The following RBFOX2 variants were observed in gnomAD, a reference collection of about 807,000 sequenced individuals.
RBFOX2 encodes RNA binding protein fox-1 homolog 2.
RBFOX2 carries 10 observed loss-of-function variants against 49.1 expected under a neutral mutation model. The ratio of observed to expected loss-of-function variants is 0.20; its 90% CI spans 0.13 to 0.35. RBFOX2 has a LOEUF of 0.35. RBFOX2 is among the 10% of genes least tolerant of loss of function. The pLI is 1.00. For missense variants in RBFOX2, 323 were observed against 486.9 expected (o/e 0.66, Z 3.17); for synonymous variants, 183 against 187.4 (o/e 0.98, Z 0.19).
At chr22:35,905,781 T>C (rs1371004341) in intron 1 of RBFOX2, among the ~76,000 whole-genome samples, 2 of 152,038 alleles carry the variant, frequency 1.3e-5, no homozygotes, top group Non-Finnish European at 2.9e-5. Flanking sequence ...CATTATGAAA[T>C]ACTCTAATAG....
At chr22:35,855,656 G>A (rs1203856429) in intron 1 of RBFOX2, among the ~76,000 whole-genome samples, 1 of 151,938 alleles carries the variant, frequency 6.6e-6, no homozygotes, top group East Asian at 1.9e-4. Context: ...CGATCCACCT[G>A]CCTCAGCCTC....
chr22:35,947,672 T>TAAAAAAAAAAAAAAAAAAAAAAAAA (rs559788717), intron 1 of RBFOX2, among the ~76,000 whole-genome samples: 4 of 34,124 alleles, frequency 1.2e-4, no homozygotes, highest in Non-Finnish European at 2.2e-4. Context: ...GTTTAAAAAG[T>TAAAAAAAAAAAAAAAAAAAAAAAAA]AAAAAAAAAA....
upstream of RBFOX2, among the ~76,000 whole-genome samples, chr22:35,965,668 A>C (rs1241675833): frequency 6.6e-6 from 1 of 152,226 alleles, no homozygotes; most frequent in African/African-American, 2.4e-5. Flanking sequence ...TGGCTGTTTG[A>C]AACAGCATGT....
At chr22:35,963,010 T>C (rs1603459050), upstream of RBFOX2, among the ~76,000 whole-genome samples, 1 of 146,822 alleles carries the variant, frequency 6.8e-6, no homozygotes, top group Non-Finnish European at 1.5e-5. Flanking sequence ...GAAAATTGTA[T>C]TTTCAGTTTG....
chr22:35,930,558 A>G (rs1424155237), intron 1 of RBFOX2, among the ~76,000 whole-genome samples: 3 of 151,974 alleles, frequency 2.0e-5, no homozygotes, highest in African/African-American at 7.2e-5. Context: ...GGGCAGGCGC[A>G]GTGGCTCATA....
intron 1 of RBFOX2, among the ~76,000 whole-genome samples, chr22:35,983,409 T>C (rs992914342): frequency 3.9e-5 from 6 of 152,232 alleles, no homozygotes; most frequent in Non-Finnish European, 7.3e-5. Context: ...GTTTCTAAGA[T>C]TGTCTCAGTT....
At chr22:35,817,232 C>T (rs893420788) in intron 1 of RBFOX2, among the ~76,000 whole-genome samples, 1 of 152,044 alleles carries the variant, frequency 6.6e-6, no homozygotes, top group Non-Finnish European at 1.5e-5. Context: ...AATTCCAGCA[C>T]CTTGGGAGGC....
chr22:35,781,085 G>T (rs572207911), intron 3 of RBFOX2, among the ~76,000 whole-genome samples: 1 of 152,288 alleles, frequency 6.6e-6, no homozygotes, highest in South Asian at 2.1e-4. Flanking sequence ...ATTAGTATCA[G>T]CTGGGGATTT....
chr22:35,831,548 CT>C (rs1956806706), intron 1 of RBFOX2, among the ~76,000 whole-genome samples: 1 of 152,216 alleles, frequency 6.6e-6, no homozygotes, highest in Non-Finnish European at 1.5e-5. Context: ...TGGAACACAG[CT>C]ACAACCAACG....
chr22:35,972,435 A>C (rs77254595), intron 1 of RBFOX2, among the ~76,000 whole-genome samples: 1 of 94,252 alleles, frequency 1.1e-5, no homozygotes, highest in South Asian at 2.7e-4. Flanking sequence ...ATGCTTCCTC[A>C]AAAAAAAAAA....
intron 1 of RBFOX2, 49 bp from the exon 3 acceptor site, chr22:35,810,053 C>T (rs775215988): frequency 1.2e-5 from 19 of 1,561,672 alleles, no homozygotes; most frequent in East Asian, 2.2e-5. Context: ...ATCCTTGTTA[C>T]GTAACTATTT....
intron 1 of RBFOX2, among the ~76,000 whole-genome samples, chr22:35,991,296 G>A (rs1182693759): frequency 6.6e-6 from 1 of 152,160 alleles, no homozygotes; most frequent in African/African-American, 2.4e-5. Flanking sequence ...GCCACCGGAA[G>A]ATCGGAATGG....
intron 9 of RBFOX2, chr22:35,747,744 C>CTGAA (rs1336442093): frequency 1.2e-4 from 18 of 152,338 alleles, no homozygotes; most frequent in African/African-American, 4.1e-4. Context: ...ACTGGCCCAA[C>CTGAA]TGAACATCAT....
chr22:35,813,158 A>C (rs1952262858), intron 1 of RBFOX2, among the ~76,000 whole-genome samples: 1 of 152,232 alleles, frequency 6.6e-6, no homozygotes, highest in African/African-American at 2.4e-5. Flanking sequence ...TTATATATTA[A>C]GGGAATGAAA....
chr22:35,754,020 T>C (rs777329137), intron 9 of RBFOX2, among the ~76,000 whole-genome samples: 42 of 151,342 alleles, frequency 2.8e-4, no homozygotes, highest in Admixed American at 6.6e-4. Flanking sequence ...TGACTTCAAG[T>C]GATCCCCCTG....
At chr22:36,005,101 T>A (rs1382052948) in intron 1 of RBFOX2, among the ~76,000 whole-genome samples, 1 of 152,224 alleles carries the variant, frequency 6.6e-6, no homozygotes, top group African/African-American at 2.4e-5. Flanking sequence ...CCTGGCTTAA[T>A]ACTGGCTGTA....
upstream of RBFOX2, among the ~76,000 whole-genome samples, chr22:35,842,031 G>T (rs1042092481): frequency 2.0e-5 from 3 of 152,138 alleles, no homozygotes; most frequent in Non-Finnish European, 2.9e-5. Flanking sequence ...TATCTCTATT[G>T]TGAATTCAAT....
At chr22:35,846,021 A>C in intron 1 of RBFOX2, among the ~76,000 whole-genome samples, 1 of 151,210 alleles carries the variant, frequency 6.6e-6, no homozygotes, top group Middle Eastern at 3.5e-3. Context: ...TAATATAATT[A>C]TATAAACTAT....
At chr22:35,890,284 T>C (rs1022083251) in intron 1 of RBFOX2, among the ~76,000 whole-genome samples, 4 of 152,126 alleles carry the variant, frequency 2.6e-5, no homozygotes, top group Non-Finnish European at 5.9e-5. Flanking sequence ...CTAGTACAGG[T>C]AGTGTCCCTC....
Sources: gnomAD v4.1 joint callset for allele counts (sites outside exome capture counted in the v4.1 genomes callset) on GRCh38, gnomAD v4.1.1 for gene constraint, MANE v1.5 for transcripts, NCBI Gene and HGNC (gene_info 2026-07-23, HGNC 2026-07-21) for gene names.